COL4A1: variants seen among roughly 807,000 people sequenced by gnomAD.
COL4A1 encodes collagen alpha-1(IV) chain.
In COL4A1, 40 loss-of-function variants were observed where a neutral mutation model predicts 216.6. The observed-to-expected ratio is 0.18, with a 90% confidence interval of 0.14 to 0.24. The LOEUF (loss-of-function observed/expected upper bound fraction) is 0.24. Among genes scored for constraint, COL4A1 ranks in the 10% least tolerant of loss-of-function variants. The pLI is 1.00. For missense variants in COL4A1, 1,628 were observed against 2,196.8 expected, an observed-to-expected ratio of 0.74 and a Z score of 5.18; for synonymous variants, 839 against 810.7, an observed-to-expected ratio of 1.03 and a Z score of -0.59.
intron 36 of COL4A1, among the ~76,000 whole-genome samples, chr13:110,175,972 C>A (rs185731375): frequency 6.6e-6 from 1 of 152,224 alleles, no homozygotes; most frequent in Non-Finnish European, 1.5e-5. Context: ...CTCCTCTTCC[C>A]GGCTGCTCTC....
chr13:110,233,619 G>A (rs373489035), intron 2 of COL4A1, among the ~76,000 whole-genome samples: 2 of 152,262 alleles, frequency 1.3e-5, no homozygotes, highest in African/African-American at 4.8e-5. Flanking sequence ...AACTCGCAGC[G>A]GTATTTGGAA....
chr13:110,232,434 T>C (rs1881104786), intron 2 of COL4A1, among the ~76,000 whole-genome samples: 1 of 152,240 alleles, frequency 6.6e-6, no homozygotes, highest in South Asian at 2.1e-4. Context: ...ACTTGCTGTC[T>C]AGAAACGTGT....
intron 24 of COL4A1, among the ~76,000 whole-genome samples, chr13:110,188,458 A>G (rs1341923016): frequency 2.0e-5 from 3 of 152,214 alleles, no homozygotes; most frequent in South Asian, 4.1e-4. Flanking sequence ...GACCCATTCT[A>G]TAGCATCTCT....
chr13:110,226,758 T>C (rs940673882), intron 2 of COL4A1, among the ~76,000 whole-genome samples: 6 of 152,238 alleles, frequency 3.9e-5, no homozygotes, highest in Non-Finnish European at 5.9e-5. Context: ...CATTAATTCC[T>C]TTAAAACATA....
intron 1 of COL4A1, among the ~76,000 whole-genome samples, chr13:110,258,898 A>G (rs1355728658): frequency 1.3e-5 from 2 of 152,244 alleles, no homozygotes; most frequent in African/African-American, 4.8e-5. Context: ...CATAGCATTA[A>G]AAGTGGAAAA....
At chr13:110,153,997 A>C (rs1033873815) in intron 50 of COL4A1, among the ~76,000 whole-genome samples, 1 of 152,172 alleles carries the variant, frequency 6.6e-6, no homozygotes, top group African/African-American at 2.4e-5. Flanking sequence ...CAGCGTCCTC[A>C]CTCAAACATT....
chr13:110,155,905 T>C (rs1876764336), intron 49 of COL4A1, among the ~76,000 whole-genome samples: 1 of 151,584 alleles, frequency 6.6e-6, no homozygotes, highest in Non-Finnish European at 1.5e-5. Context: ...AGAGTGAAAC[T>C]CCGTCTCAAA....
chr13:110,209,353 T>A, intron 11 of COL4A1, 39 bp downstream of exon 11: 1 of 1,598,318 alleles, frequency 6.3e-7, no homozygotes, highest in Non-Finnish European at 8.6e-7. Flanking sequence ...GATAGCCTTA[T>A]ACTAATGCCA....
chr13:110,162,059 C>T, intron 48 of COL4A1, 171 bp downstream of exon 48: 1 of 724,296 alleles, frequency 1.4e-6, no homozygotes, highest in Non-Finnish European at 2.5e-6. Flanking sequence ...TATTTGTAAT[C>T]AATGGAGGGA....
intron 1 of COL4A1, among the ~76,000 whole-genome samples, chr13:110,248,145 T>TA (rs1417472610): frequency 3.3e-5 from 5 of 152,224 alleles, no homozygotes; most frequent in African/African-American, 7.2e-5. Flanking sequence ...TTCCTGGTGA[T>TA]ACTGCCGTCG....
chr13:110,150,712 C>T (rs996828317), intron 51 of COL4A1, among the ~76,000 whole-genome samples: 1 of 152,356 alleles, frequency 6.6e-6, no homozygotes, highest in Non-Finnish European at 1.5e-5. Context: ...GCTGAAGTCC[C>T]GCCACATCAG....
At chr13:110,186,634 G>A (rs1372358657) in intron 25 of COL4A1, 81 bp from the exon 26 acceptor site, 20 of 1,545,032 alleles carry the variant, frequency 1.3e-5, no homozygotes, top group African/African-American at 2.7e-5. Flanking sequence ...TGACATTTGT[G>A]GTCAATAAGT....
chr13:110,192,823 G>A lies in COL4A1; in HGVS notation c.1465+7C>T. ...CTGACCTGGTCCTTTTCACATGTGG[G>A]TCTTACCTATTTCTCCCGGGGGTCC... On this transcript the variant is annotated splice_region_variant and intron_variant, in intron 23 of 51. Coordinates refer to ENST00000375820, the MANE Select transcript of COL4A1 (RefSeq NM_001845.6). The A allele has an allele frequency of 6.2e-7, 1 of 1,612,956 alleles. No individual in the cohort carries two copies. The highest frequency in any genetic ancestry group is 8.5e-7 in the Non-Finnish European group (1 of 1,179,012).
At position 110,162,267 on chromosome 13, in the gene COL4A1, G is replaced by A. The variant is rs772482135; in HGVS notation, c.4425C>T (p.Tyr1475=). The A allele has an allele frequency of 2.8e-5, 45 of 1,614,208 alleles. No individual in the cohort carries two copies. The highest frequency in any genetic ancestry group is 4.4e-5 in the South Asian group (4 of 91,086). The change falls in exon 48 of 52, where the codon TAC becomes TAT. Residue 1475 remains tyrosine (Y), a synonymous_variant. Transcript: ENST00000375820. ...KILYHGYSLL[Y]VQGNERAHGQ... is the part of the protein sequence containing the mutation. ...CATGGGCCCGTTCATTGCCTTGCACGTAGAGCAAAGAGTACCCGTGGTAAA... is the reference window on the plus strand; with the variant it reads ...CATGGGCCCGTTCATTGCCTTGCACATAGAGCAAAGAGTACCCGTGGTAAA...
intron 2 of COL4A1, among the ~76,000 whole-genome samples, chr13:110,241,977 A>G (rs56066148): frequency 0.22 from 34,039 of 152,122 alleles, 4,441 homozygotes; most frequent in African/African-American, 0.35. Context: ...AGGTGGTGGC[A>G]TTTCCTCACA....
At chr13:110,152,125 GT>G (rs1339628758) in intron 51 of COL4A1, among the ~76,000 whole-genome samples, 2 of 151,950 alleles carry the variant, frequency 1.3e-5, no homozygotes, top group African/African-American at 2.4e-5. Flanking sequence ...TTCTTTCATG[GT>G]TCTTCGGTAA....
chr13:110,209,432 G>A lies in COL4A1; in HGVS notation c.616-5C>T, dbSNP rs1018636748. 49 of 1,599,718 alleles carry A rather than the reference G, an allele frequency of 3.1e-5. No homozygotes were observed. The highest frequency in any genetic ancestry group is 4.0e-5 in the Non-Finnish European group (47 of 1,173,266). ...GCCGGGAGGGCCTGGGGGACCCTGGGAGAGACAGCATTTTAATTAAATAGG... is the reference window on the plus strand; with the variant it reads ...GCCGGGAGGGCCTGGGGGACCCTGGAAGAGACAGCATTTTAATTAAATAGG... On this transcript the variant is annotated splice_polypyrimidine_tract_variant and splice_region_variant and intron_variant, in intron 10 of 51. Transcript: ENST00000375820.
intron 43 of COL4A1, among the ~76,000 whole-genome samples, chr13:110,168,211 T>C (rs760932664): frequency 1.3e-5 from 2 of 152,124 alleles, no homozygotes; most frequent in Non-Finnish European, 2.9e-5. Context: ...GACAGGGTTT[T>C]GCCATGTTGG....
Position 110,198,627 on chromosome 13 carries a change from G to C in COL4A1, c.1125C>G (p.Leu375=). The change falls in exon 21 of 52, where the codon CTC becomes CTG. Residue 375 remains leucine (L), a synonymous_variant. Coordinates refer to ENST00000375820, the MANE Select transcript of COL4A1 (RefSeq NM_001845.6). The part of the protein sequence containing the change: ...GLPGQPGPPG[L]PVPGQAGAPG... ...GGGCACCAGCCTGCCCAGGTACAGGGAGGCCTGCAACCAGACAGAAGCTCA... is the reference window on the plus strand; with the variant it reads ...GGGCACCAGCCTGCCCAGGTACAGGCAGGCCTGCAACCAGACAGAAGCTCA... 2 of 1,614,040 alleles carry C rather than the reference G, an allele frequency of 1.2e-6. No homozygotes were observed. The highest frequency in any genetic ancestry group is 2.2e-5 in the South Asian group (2 of 91,080).
Sources: allele counts gnomAD v4.1 joint callset (sites outside exome capture counted in the v4.1 genomes callset), GRCh38; gene constraint gnomAD v4.1.1; transcripts MANE v1.5; gene names NCBI Gene and HGNC (gene_info 2026-07-23, HGNC 2026-07-21).